Variants in SIGLEC1 observed in about 807,000 individuals in gnomAD.
SIGLEC1 encodes the protein sialoadhesin.
Under a neutral mutation model 148.0 loss-of-function variants are expected in SIGLEC1, and 132 were observed. The observed-to-expected ratio is 0.89, with a 90% CI of 0.77 to 1.03. SIGLEC1 has a LOEUF of 1.03. SIGLEC1 is among the 50% of genes least tolerant of loss of function. The pLI, the probability that SIGLEC1 is intolerant of heterozygous loss-of-function variation, is 0.00. For synonymous variants in SIGLEC1, 945 were observed against 969.0 expected, an observed-to-expected ratio of 0.98 and a Z score of 0.46; for missense variants, 2,253 against 2,271.4, an observed-to-expected ratio of 0.99 and a Z score of 0.16.
At position 3,703,435 on chromosome 20, in the gene SIGLEC1, C is replaced by T; in HGVS notation, c.990G>A (p.Val330=). The change falls in exon 6 of 22, where the codon GTG becomes GTA. Residue 330 remains valine (V), a synonymous_variant. Transcript: ENST00000344754. The part of the protein sequence containing the change: ...SLHIFMAEVQ[V]SPAGPILENQ... Reference sequence around the variant, plus strand: ...TCTCCAGGATGGGACCTGCTGGGCTCACCTGGACCTCAGCCACTGCAAGGG... The same window carrying T: ...TCTCCAGGATGGGACCTGCTGGGCTTACCTGGACCTCAGCCACTGCAAGGG... 6.3e-7 allele frequency: 1 copy of T among 1,574,874 alleles called. No individual in the cohort carries two copies. Among genetic ancestry groups the T allele is most frequent in the Non-Finnish European group, 8.6e-7 (1 of 1,158,178 alleles).
At chr20:3,707,964 T>C (rs1364014108) in intron 1 of SIGLEC1, among the ~76,000 whole-genome samples, 2 of 152,260 alleles carry the variant, frequency 1.3e-5, no homozygotes, top group Non-Finnish European at 1.5e-5. Flanking sequence ...CCCAGAGCTA[T>C]CTCTATTTTC....
chr20:3,694,770 C>T lies in SIGLEC1; in HGVS notation c.2837G>A (p.Arg946His), dbSNP rs73893073. 77 of 1,613,658 alleles carry T rather than the reference C, an allele frequency of 4.8e-5. 1 individual carries two copies. The Middle Eastern group carries it at 2.6e-3, about 55-fold the overall frequency. ...TTGTGTCAAAGTTATGGCTGCAAAG[C>T]GGAGCGTGGCCGAGGTCGACTCCTG... Reference protein sequence around the residue: ...PLQESTSATLRFAAITLTQAG... With the variant: ...PLQESTSATLHFAAITLTQAG... The change falls in exon 12 of 22, where the codon CGC becomes CAC. Residue 946 changes from arginine to histidine, a missense_variant. By Grantham distance (29) the Arg-to-His change is conservative (BLOSUM62 0). Transcript: ENST00000344754.
chr20:3,709,476 G>T (rs1030244829), intron 1 of SIGLEC1, among the ~76,000 whole-genome samples: 3 of 152,194 alleles, frequency 2.0e-5, no homozygotes, highest in Non-Finnish European at 4.4e-5. Context: ...TATTGCTGGT[G>T]GGAATATAAA....
chr20:3,708,723 C>G (rs759169029), intron 1 of SIGLEC1, among the ~76,000 whole-genome samples: 1 of 151,920 alleles, frequency 6.6e-6, no homozygotes, highest in Non-Finnish European at 1.5e-5. Context: ...TGCACTCCAG[C>G]CTGGGTGACA....
rs769793722 is a variant in SIGLEC1, at chr20:3,687,729, CAA to C, written c.*829_*830del. 6.6e-6 allele frequency: 1 copy of C among 152,216 alleles called. No homozygotes were observed. Among genetic ancestry groups the C allele is most frequent in the African/African-American group, 2.4e-5 (1 of 41,450 alleles). 9.4% of individuals were successfully genotyped at this position (152,216 alleles called of 1,614,324 possible). A position where few individuals can be genotyped will look rare whatever the true frequency, so the allele number is the denominator to read the frequency against. On this transcript the variant is annotated 3_prime_UTR_variant, in exon 22 of 22. Transcript: ENST00000344754. ...CTGCTGGTGGCATTCCCAACAATGTCAAAAGTCTCAGGGATGAGCTCACAGTT... is the reference window on the plus strand; with the variant it reads ...CTGCTGGTGGCATTCCCAACAATGTCAAGTCTCAGGGATGAGCTCACAGTT...
rs1463506772 is a variant in SIGLEC1 at position 3,703,751 on chromosome 20, T to C, written c.973+74A>G. On this transcript the variant is annotated intron_variant, in intron 5 of 21. Transcript: ENST00000344754. ...GCCAGTTGCTGGCCCTGCCCTGCCC[T>C]GTCTCCCCTCCGTCCCTGAGGCCTG... is the stretch of plus-strand genomic sequence containing the variant. 31 of 1,581,868 alleles carry C rather than the reference T, an allele frequency of 2.0e-5. No homozygotes were observed. The Admixed American group carries it at 4.6e-4, about 24-fold the overall frequency.
Position 3,697,828 on chromosome 20 carries a change from C to T in SIGLEC1, c.2092G>A (p.Ala698Thr), listed in dbSNP as rs750306840. 101 of 1,612,714 alleles carry T rather than the reference C, an allele frequency of 6.3e-5. No homozygotes were observed. Among genetic ancestry groups the T allele is most frequent in the Non-Finnish European group, 7.6e-5 (90 of 1,179,962 alleles). Residue 698 changes from alanine (A) to threonine (T), a missense_variant, in exon 9 of 22, where the codon GCC becomes ACC. Coordinates refer to ENST00000344754, the MANE Select transcript of SIGLEC1 (RefSeq NM_023068.4). ...LCEASNALGN[A>T]STSATFNGQA... ...CCATTGAAGGTGGCTGAGGTGGAGG[C>T]GTTGCCCAGGGCATTGCTGGCCTCA...
At chr20:3,709,039 T>A (rs1300260984) in intron 1 of SIGLEC1, among the ~76,000 whole-genome samples, 5 of 103,514 alleles carry the variant, frequency 4.8e-5, no homozygotes, top group Admixed American at 1.2e-4. Context: ...GTGAGACTCT[T>A]CTGTCTCAAA....
chr20:3,688,397 T>TG lies in SIGLEC1; in HGVS notation c.*162dup, dbSNP rs904348887. ...GGGCAGACCTCTCACCACCCATTTT[T>TG]GGGGGGGCAAGAGGCTTGGGGCCAG... On this transcript the variant is annotated 3_prime_UTR_variant, in exon 22 of 22. Transcript: ENST00000344754. 21 of 690,366 alleles carry TG rather than the reference T, an allele frequency of 3.0e-5. No homozygotes were observed. The highest frequency in any genetic ancestry group is 2.9e-5 in the Non-Finnish European group (11 of 383,028). The allele number at this position is 690,366 out of a possible 1,614,324, so 42.8% of individuals were successfully genotyped here.
chr20:3,711,188 C>T (rs1452880429), intron 1 of SIGLEC1, among the ~76,000 whole-genome samples: 1 of 152,202 alleles, frequency 6.6e-6, no homozygotes, highest in Non-Finnish European at 1.5e-5. Flanking sequence ...TTTTGGAAAT[C>T]ATTGTTCCCC....
chr20:3,692,562 T>C lies in SIGLEC1; in HGVS notation c.3989A>G (p.Gln1330Arg). Residue 1330 changes from glutamine to arginine, a missense_variant, in exon 16 of 22, where the codon CAG becomes CGG. Gln to Arg is a conservative substitution (Grantham distance 43, BLOSUM62 1). Coordinates refer to ENST00000344754, the MANE Select transcript of SIGLEC1 (RefSeq NM_023068.4). ...AGCAGGACGGGAGCTGCGGGTGCCC[T>C]GGGCATCCTGGGCCTGGCAAGAGTA... ...GAYSCQAQDAQGTRSSRPAAL... is the reference protein window; with the variant it reads ...GAYSCQAQDARGTRSSRPAAL... The C allele has an allele frequency of 6.2e-7, 1 of 1,608,706 alleles. No homozygotes were observed. Among genetic ancestry groups the C allele is most frequent in the Non-Finnish European group, 8.5e-7 (1 of 1,179,406 alleles).
At chr20:3,691,737 A>G in intron 17 of SIGLEC1, 137 bp from the exon 18 acceptor site, 1 of 1,350,904 alleles carries the variant, frequency 7.4e-7, no homozygotes, top group South Asian at 1.4e-5. Context: ...TCCAAGGTGG[A>G]ACCATGCCCC....
chr20:3,692,760 A>G lies in SIGLEC1; in HGVS notation c.3791T>C (p.Ile1264Thr). 1.2e-6 allele frequency: 2 copies of G among 1,610,662 alleles called. No individual in the cohort carries two copies. Among genetic ancestry groups the G allele is most frequent in the Non-Finnish European group, 1.7e-6 (2 of 1,179,374 alleles). Residue 1264 changes from isoleucine to threonine, a missense_variant, in exon 16 of 22, where the codon ATC (isoleucine) becomes ACC (threonine). Coordinates refer to ENST00000344754, the MANE Select transcript of SIGLEC1 (RefSeq NM_023068.4). ...AGGCACGGCAGCCTCCGGAGCCAGG[A>G]TCACCCGCACACCTGTGCCAAGGAG... ...LELRLEGVRV[I>T]LAPEAAVPEG...
At position 3,703,230 on chromosome 20, in the gene SIGLEC1, C is replaced by A. The variant is rs761726291; in HGVS notation, c.1195G>T (p.Glu399Ter). 1.8e-5 allele frequency: 29 copies of A among 1,613,996 alleles called. No individual in the cohort carries two copies. The South Asian group carries it at 3.1e-4, about 17-fold the overall frequency. Residue 399 changes from glutamate to a stop codon, truncating the protein, a stop_gained, in exon 6 of 22, where the codon GAG (glutamate) becomes TAG (stop). Coordinates refer to ENST00000344754, the MANE Select transcript of SIGLEC1 (RefSeq NM_023068.4). LOFTEE classifies it high-confidence loss of function. ...FCEVQNVHGSERSGPVSVVVN... is the reference protein window; with the variant it reads ...FCEVQNVHGS ...ACCACGCTGACAGGGCCCGAGCGCT[C>A]GCTGCCATGGACGTTCTGCACCTCA...
Position 3,710,808 on chromosome 20 carries a change from C to A in SIGLEC1, c.-110+1662G>T, listed in dbSNP as rs923822356. On this transcript the variant is annotated intron_variant, in intron 1 of 21. Transcript: ENST00000344754. The surrounding 1 kb of genome is among the most constrained non-coding windows in gnomAD (Gnocchi z 4.6). ...GGACCCTTTCCAGGACCACTCCCAT[C>A]ACATAATGTAGAGGCCACCTATGCT... 2.0e-5 allele frequency among the ~76,000 whole-genome samples: 3 copies of A among 152,252 alleles called. No homozygotes were observed. The highest frequency in any genetic ancestry group is 2.0e-4 in the Admixed American group (3 of 15,292).
intron 6 of SIGLEC1, among the ~76,000 whole-genome samples, chr20:3,701,922 C>T (rs2087855362): frequency 6.6e-6 from 1 of 152,186 alleles, no homozygotes; most frequent in African/African-American, 2.4e-5. Flanking sequence ...TGAGGGACAG[C>T]ACCTCAGCCA....
At chr20:3,689,933 G>T in intron 19 of SIGLEC1, 29 bp downstream of exon 19, 1 of 1,576,058 alleles carries the variant, frequency 6.3e-7, no homozygotes, top group African/African-American at 1.3e-5. Context: ...GTGCAGAGTG[G>T]CCTGGGAGAT....
In SIGLEC1 at chr20:3,688,605, A is replaced by C; in HGVS notation, c.5085T>G (p.Asp1695Glu). ...QKETTQLIDP[D>E]AATCETSTCA... ...AGGTTGAGGTCTCACATGTGGCTGC[A>C]TCAGGATCAATGAGCTTCCCACAGA... Residue 1695 changes from aspartate (D) to glutamate (E), a missense_variant, in exon 22 of 22, where the codon GAT (aspartate) becomes GAG (glutamate). Physicochemically the swap from Asp to Glu is conservative, Grantham distance 45. Coordinates refer to ENST00000344754, the MANE Select transcript of SIGLEC1 (RefSeq NM_023068.4). 2 of 1,600,652 alleles carry C rather than the reference A, an allele frequency of 1.2e-6. No individual in the cohort carries two copies. The highest frequency in any genetic ancestry group is 1.7e-6 in the Non-Finnish European group (2 of 1,173,118).
intron 1 of SIGLEC1, among the ~76,000 whole-genome samples, chr20:3,709,001 C>A (rs190513448): frequency 2.8e-5 from 4 of 143,456 alleles, no homozygotes; most frequent in African/African-American, 1.0e-4. Flanking sequence ...GCCAGGATCA[C>A]GCCACTGTAC....
Sources: allele counts gnomAD v4.1 joint callset (sites outside exome capture counted in the v4.1 genomes callset), GRCh38; gene constraint gnomAD v4.1.1; non-coding constraint Gnocchi (gnomAD v3.1); transcripts MANE v1.5; gene names NCBI Gene and HGNC (gene_info 2026-07-23, HGNC 2026-07-21).